The following SEMA5A variants were observed in gnomAD, a reference collection of about 807,000 sequenced individuals.
SEMA5A encodes the protein semaphorin 5A, also known as semaphorin-5A.
SEMA5A carries 55 observed loss-of-function variants against 135.5 expected under a neutral mutation model. The observed-to-expected ratio is 0.41, with a 90% CI of 0.33 to 0.51. The LOEUF is 0.51. SEMA5A is among the 20% of genes least tolerant of loss of function. The probability of loss-of-function intolerance (pLI) is 0.37; values close to 1 mark genes in which losing one functional copy is unlikely to be tolerated. For missense variants in SEMA5A, 1,290 were observed against 1,419.9 expected (o/e 0.91, Z 1.47); for synonymous variants, 580 against 546.5 (o/e 1.06, Z -0.85).
intron 1 of SEMA5A, among the ~76,000 whole-genome samples, chr5:9,467,356 C>G (rs561876085): frequency 6.6e-6 from 1 of 152,140 alleles, no homozygotes; most frequent in Non-Finnish European, 1.5e-5. Flanking sequence ...TCATGATCCA[C>G]CCGCCTCAGC....
Position 9,127,334 on chromosome 5 carries a change from G to A in SEMA5A, c.1600-4497C>T, listed in dbSNP as rs76677243. On this transcript the variant is annotated intron_variant, in intron 13 of 22. Coordinates refer to ENST00000382496, the MANE Select transcript of SEMA5A (RefSeq NM_003966.3). ...GACTTCTGATTAACCCAAGTTCTGGGAATGCCTCTAAGATTTCCAGTTTAC... is the reference window on the plus strand; with the variant it reads ...GACTTCTGATTAACCCAAGTTCTGGAAATGCCTCTAAGATTTCCAGTTTAC... Among the ~76,000 whole-genome samples the A allele has an allele frequency of 1.7e-3, 263 of 152,240 alleles. 3 individuals carry two copies. The East Asian group carries it at 0.023, about 14-fold the overall frequency.
Position 9,202,073 on chromosome 5 carries a change from T to C in SEMA5A, c.814A>G (p.Met272Val), listed in dbSNP as rs1561015357. 1.2e-5 allele frequency: 19 copies of C among 1,614,222 alleles called. No homozygotes were observed. The highest frequency in any genetic ancestry group is 1.6e-5 in the Non-Finnish European group (19 of 1,180,030). Residue 272 changes from methionine to valine, a missense_variant, in exon 9 of 23, where the codon ATG (methionine) becomes GTG (valine). This residue lies in a region of SEMA5A where 1,029 missense variants were observed against 1,086.6 expected (regional missense o/e 0.95). Coordinates refer to ENST00000382496, the MANE Select transcript of SEMA5A (RefSeq NM_003966.3). Reference protein sequence around the residue: ...FLLEDTWTTFMKARLNCSRPG... With the variant: ...FLLEDTWTTFVKARLNCSRPG... ...CGGGAGCAGTTCAGGCGAGCCTTCATGAATGTGGTCCAGGTGTCTTCCAGC... is the reference window on the plus strand; with the variant it reads ...CGGGAGCAGTTCAGGCGAGCCTTCACGAATGTGGTCCAGGTGTCTTCCAGC...
chr5:9,229,979 CTTTTGT>C (rs903520539), intron 6 of SEMA5A, among the ~76,000 whole-genome samples: 3 of 151,924 alleles, frequency 2.0e-5, no homozygotes, highest in Admixed American at 6.6e-5. Flanking sequence ...AGGTTGCTTT[CTTTTGT>C]TTTTGTTTTT....
At chr5:9,182,158 C>CG (rs1280780392) in intron 11 of SEMA5A, among the ~76,000 whole-genome samples, 1 of 141,302 alleles carries the variant, frequency 7.1e-6, no homozygotes, top group Non-Finnish European at 1.5e-5. Flanking sequence ...TGCCCCCCAC[C>CG]CCAAAAAAAA....
At chr5:9,295,790 T>G (rs2150596071) in intron 5 of SEMA5A, among the ~76,000 whole-genome samples, 1 of 152,332 alleles carries the variant, frequency 6.6e-6, no homozygotes, top group South Asian at 2.1e-4. Flanking sequence ...TATAAAATAA[T>G]AACTCAATAT....
intron 5 of SEMA5A, among the ~76,000 whole-genome samples, chr5:9,278,447 G>A (rs528483468): frequency 7.2e-5 from 11 of 152,316 alleles, no homozygotes; most frequent in South Asian, 4.1e-4. Context: ...TGGCCATGTC[G>A]TAGAAAAGAA....
At chr5:9,065,762 C>T (rs559829714) in intron 17 of SEMA5A, among the ~76,000 whole-genome samples, 20 of 152,308 alleles carry the variant, frequency 1.3e-4, no homozygotes, top group African/African-American at 4.3e-4. Flanking sequence ...AGGCTCAATT[C>T]CTTTTTCTGC....
chr5:9,241,173 C>T (rs1477856574), intron 5 of SEMA5A, among the ~76,000 whole-genome samples: 1 of 152,018 alleles, frequency 6.6e-6, no homozygotes, highest in African/African-American at 2.4e-5. Flanking sequence ...AAAGACACAA[C>T]GATTCCTGTT....
At chr5:9,368,046 T>C (rs40656) in intron 3 of SEMA5A, among the ~76,000 whole-genome samples, 22,463 of 152,144 alleles carry the variant, frequency 0.15, 1,958 homozygotes, top group Admixed American at 0.24. Context: ...CCTCTTGTCT[T>C]TATAAATTAC....
chr5:9,081,460 A>G (rs1449661093), intron 16 of SEMA5A, among the ~76,000 whole-genome samples: 4 of 152,218 alleles, frequency 2.6e-5, no homozygotes, highest in African/African-American at 9.6e-5. Context: ...ATATATAGAC[A>G]TAGATAGAGA....
At chr5:9,043,289 T>C (rs1736062872) in intron 22 of SEMA5A, 1 of 314,740 alleles carries the variant, frequency 3.2e-6, no homozygotes, top group African/African-American at 2.2e-5. Flanking sequence ...TAAGAAAATC[T>C]AAATCTAAAT....
At chr5:9,184,687 T>C (rs1744712984) in intron 11 of SEMA5A, among the ~76,000 whole-genome samples, 1 of 152,240 alleles carries the variant, frequency 6.6e-6, no homozygotes, top group African/African-American at 2.4e-5. Context: ...TATTCGCTTA[T>C]CTCTGTGAAC....
intron 5 of SEMA5A, among the ~76,000 whole-genome samples, chr5:9,284,464 G>C (rs1369391474): frequency 6.6e-6 from 1 of 152,128 alleles, no homozygotes; most frequent in Non-Finnish European, 1.5e-5. Context: ...ATGTAGAGAA[G>C]GCAACCGTTT....
At chr5:9,326,236 C>T (rs1358641368) in intron 4 of SEMA5A, among the ~76,000 whole-genome samples, 1 of 152,144 alleles carries the variant, frequency 6.6e-6, no homozygotes, top group Non-Finnish European at 1.5e-5. Flanking sequence ...TTCAATTGCA[C>T]TGGTAGACTT....
intron 5 of SEMA5A, among the ~76,000 whole-genome samples, chr5:9,251,609 T>A (rs1748791467): frequency 6.6e-6 from 1 of 152,150 alleles, no homozygotes; most frequent in South Asian, 2.1e-4. Flanking sequence ...AATATGTAAA[T>A]GTATACGGCA....
chr5:9,366,125 C>T (rs949763037), intron 3 of SEMA5A, among the ~76,000 whole-genome samples: 21 of 152,164 alleles, frequency 1.4e-4, no homozygotes, highest in Non-Finnish European at 2.8e-4. Context: ...AACTTTACTG[C>T]ACTGATGACT....
chr5:9,290,971 A>C (rs868655151), intron 5 of SEMA5A, among the ~76,000 whole-genome samples: 4 of 152,232 alleles, frequency 2.6e-5, no homozygotes, highest in South Asian at 2.1e-4. Flanking sequence ...TCACTTTGGC[A>C]TGTGTCAGAG....
intron 1 of SEMA5A, among the ~76,000 whole-genome samples, chr5:9,471,406 A>G (rs1275562246): frequency 6.6e-6 from 1 of 152,152 alleles, no homozygotes; most frequent in East Asian, 1.9e-4. Flanking sequence ...TTCTAATTGT[A>G]TTCTGTATTC....
chr5:9,185,876 G>T (rs891874568), intron 11 of SEMA5A, among the ~76,000 whole-genome samples: 3 of 152,168 alleles, frequency 2.0e-5, no homozygotes, highest in African/African-American at 4.8e-5. Context: ...TGTGGAAAAA[G>T]CCCAGAGCGG....
Sources: gnomAD v4.1 joint callset for allele counts (sites outside exome capture counted in the v4.1 genomes callset) on GRCh38, gnomAD v4.1.1 for gene constraint, gnomAD v4.1.1 regional missense constraint, MANE v1.5 for transcripts, NCBI Gene and HGNC (gene_info 2026-07-23, HGNC 2026-07-21) for gene names.